The following THSD4 variants were observed in gnomAD, a reference collection of about 807,000 sequenced individuals.
THSD4 encodes thrombospondin type 1 domain containing 4, also known as thrombospondin type-1 domain-containing protein 4.
A neutral mutation model predicts 119.0 loss-of-function variants in THSD4; 69 were observed. That is an observed-to-expected ratio of 0.58 (90% confidence interval 0.48 to 0.71). THSD4 has a LOEUF of 0.71. Among genes scored for constraint, THSD4 ranks in the 30% least tolerant of loss-of-function variants. The probability of loss-of-function intolerance (pLI) is 0.00; values close to 1 mark genes in which losing one functional copy is unlikely to be tolerated. For synonymous variants in THSD4, 524 were observed against 540.4 expected (o/e 0.97, Z 0.42); for missense variants, 1,393 against 1,391.1 (o/e 1.00, Z -0.02).
At chr15:71,377,875 C>CACACACACACACACACAA (rs2046163099) in intron 6 of THSD4, among the ~76,000 whole-genome samples, 1 of 72,432 alleles carries the variant, frequency 1.4e-5, no homozygotes, top group Admixed American at 1.4e-4. Context: ...ACAACACACA[C>CACACACACACACACACAA]ACACACACAC....
At chr15:71,544,882 T>C (rs1235384532) in intron 7 of THSD4, among the ~76,000 whole-genome samples, 2 of 152,212 alleles carry the variant, frequency 1.3e-5, no homozygotes, top group African/African-American at 4.8e-5. Flanking sequence ...GGGAACATGC[T>C]CTGTGAAATA....
chr15:71,722,166 G>A (rs1177894111), intron 8 of THSD4, among the ~76,000 whole-genome samples: 1 of 152,154 alleles, frequency 6.6e-6, no homozygotes, highest in Non-Finnish European at 1.5e-5. Flanking sequence ...TCCTAGCCCT[G>A]GAACTGCTTG....
At chr15:71,770,849 A>G (rs964544139) in intron 16 of THSD4, among the ~76,000 whole-genome samples, 3 of 152,150 alleles carry the variant, frequency 2.0e-5, no homozygotes, top group Non-Finnish European at 4.4e-5. Context: ...ATTTGCTTCA[A>G]AATAGTGGGA....
At chr15:71,488,947 C>G (rs1038524670) in intron 7 of THSD4, among the ~76,000 whole-genome samples, 10 of 152,056 alleles carry the variant, frequency 6.6e-5, no homozygotes, top group African/African-American at 2.4e-4. Flanking sequence ...TATTTCTTTT[C>G]TCTTTTCTAC....
intron 6 of THSD4, among the ~76,000 whole-genome samples, chr15:71,324,885 G>A (rs1463053429): frequency 1.3e-5 from 2 of 152,260 alleles, no homozygotes; most frequent in Non-Finnish European, 2.9e-5. Flanking sequence ...GAAATCTCCA[G>A]ACTGTTTCCC....
intron 7 of THSD4, among the ~76,000 whole-genome samples, chr15:71,498,992 G>A (rs914701793): frequency 1.1e-4 from 16 of 151,694 alleles, no homozygotes; most frequent in African/African-American, 3.4e-4. Flanking sequence ...GGTGTGAGCC[G>A]CCACACCCGG....
chr15:71,583,910 G>T (rs183710835), intron 7 of THSD4, among the ~76,000 whole-genome samples: 2 of 152,246 alleles, frequency 1.3e-5, no homozygotes, highest in East Asian at 1.9e-4. Flanking sequence ...GCACATGTCT[G>T]TTGGGTCCAT....
intron 1 of THSD4, among the ~76,000 whole-genome samples, chr15:71,103,719 C>T (rs955013438): frequency 6.6e-6 from 1 of 152,232 alleles, no homozygotes; most frequent in African/African-American, 2.4e-5. Flanking sequence ...CCCCCTCAGC[C>T]TCTGCCACCA....
chr15:71,660,448 C>G, intron 7 of THSD4, 82 bp from the exon 8 acceptor site: 1 of 1,552,428 alleles, frequency 6.4e-7, no homozygotes, highest in Non-Finnish European at 8.8e-7. Context: ...AAAGAAATTT[C>G]TTGCCCAGGG....
At chr15:71,651,564 C>T (rs2051090720) in intron 7 of THSD4, among the ~76,000 whole-genome samples, 1 of 152,138 alleles carries the variant, frequency 6.6e-6, no homozygotes, top group South Asian at 2.1e-4. Flanking sequence ...TATATATTCC[C>T]CAATGTTGTA....
chr15:71,464,099 C>G (rs1467790731), intron 7 of THSD4, among the ~76,000 whole-genome samples: 1 of 152,172 alleles, frequency 6.6e-6, no homozygotes, highest in African/African-American at 2.4e-5. Flanking sequence ...TGCATTAGGA[C>G]CTCTGACTTA....
chr15:71,413,201 C>T (rs1158110751), intron 7 of THSD4, among the ~76,000 whole-genome samples: 5 of 152,084 alleles, frequency 3.3e-5, no homozygotes, highest in Non-Finnish European at 5.9e-5. Context: ...TTAATACAGA[C>T]GGGGTTTCAC....
intron 6 of THSD4, among the ~76,000 whole-genome samples, chr15:71,380,580 A>G (rs116426779): frequency 6.6e-6 from 1 of 152,086 alleles, no homozygotes; most frequent in Non-Finnish European, 1.5e-5. Context: ...ATACAGACCA[A>G]TCTAAATCAA....
At chr15:71,253,193 G>A (rs538051256) in intron 5 of THSD4, among the ~76,000 whole-genome samples, 7 of 152,302 alleles carry the variant, frequency 4.6e-5, no homozygotes, top group Admixed American at 3.9e-4. Context: ...GCCTTAGATG[G>A]GAACTGGACT....
chr15:71,702,359 A>C (rs1227566269), intron 8 of THSD4, among the ~76,000 whole-genome samples: 1 of 152,214 alleles, frequency 6.6e-6, no homozygotes. Context: ...TGAATCTTTT[A>C]AAAGAATTTT....
chr15:71,285,675 A>G (rs377284653), intron 6 of THSD4, among the ~76,000 whole-genome samples: 6 of 151,950 alleles, frequency 3.9e-5, no homozygotes, highest in South Asian at 2.1e-4. Context: ...CCAATATGGT[A>G]AAACCCTGTC....
chr15:71,632,138 T>G (rs1355229791), intron 7 of THSD4, among the ~76,000 whole-genome samples: 1 of 152,266 alleles, frequency 6.6e-6, no homozygotes, highest in African/African-American at 2.4e-5. Flanking sequence ...TCACTAATTA[T>G]TAACTACTAT....
chr15:71,319,293 C>T (rs1419730259), intron 6 of THSD4, among the ~76,000 whole-genome samples: 1 of 151,928 alleles, frequency 6.6e-6, no homozygotes, highest in Non-Finnish European at 1.5e-5. Context: ...GCACAACGTG[C>T]AGGTTTGTTA....
At chr15:71,763,054 G>C (rs2053652662) in intron 15 of THSD4, among the ~76,000 whole-genome samples, 1 of 151,846 alleles carries the variant, frequency 6.6e-6, no homozygotes. Context: ...CTGGGCAACA[G>C]AGCAAGACTC....
Sources: gnomAD v4.1 joint callset for allele counts (sites outside exome capture counted in the v4.1 genomes callset) on GRCh38, gnomAD v4.1.1 for gene constraint, MANE v1.5 for transcripts, NCBI Gene and HGNC (gene_info 2026-07-23, HGNC 2026-07-21) for gene names.